Variants in PPP2R3B observed in about 807,000 individuals in gnomAD.
The protein encoded by PPP2R3B is protein phosphatase 2 regulatory subunit B''beta, also known as serine/threonine-protein phosphatase 2A regulatory subunit B'' subunit beta.
A neutral mutation model predicts 72.9 loss-of-function variants in PPP2R3B; 68 were observed. The ratio of observed to expected loss-of-function variants is 0.93; its 90% CI spans 0.77 to 1.14. PPP2R3B has a LOEUF of 1.14. Ranked by LOEUF, PPP2R3B falls within the 50% of genes most tolerant of loss-of-function variation. The pLI is 0.00. For synonymous variants in PPP2R3B, 466 were observed against 375.8 expected (o/e 1.24, Z -2.78); for missense variants, 1,018 against 842.0 (o/e 1.21, Z -2.59).
chrX:359,272 C>T (rs1569399755), intron 2 of PPP2R3B, among the ~76,000 whole-genome samples: 1 of 152,178 alleles, frequency 6.6e-6, no homozygotes, highest in South Asian at 2.1e-4. Flanking sequence ...AAGGAACTCT[C>T]AGAGATACCC....
intron 1 of PPP2R3B, among the ~76,000 whole-genome samples, chrX:364,856 C>A (rs999191101): frequency 3.1e-4 from 10 of 31,990 alleles, no homozygotes; most frequent in African/African-American, 1.8e-3. Context: ...GCACTCCAGC[C>A]TGGGCGACAG....
In PPP2R3B at chrX:340,865, G is replaced by C. The variant is rs375085438; in HGVS notation, c.1251C>G (p.Tyr417Ter). The C allele has an allele frequency of 1.2e-6, 2 of 1,612,004 alleles. No homozygotes were observed. The highest frequency in any genetic ancestry group is 2.2e-5 in the East Asian group (1 of 44,854). The change falls in exon 10 of 13, where the codon TAC (tyrosine) becomes TAG (stop). Residue 417 changes from tyrosine (Y) to a stop codon, truncating the protein, a stop_gained. Coordinates refer to ENST00000390665, the MANE Select transcript of PPP2R3B (RefSeq NM_013239.5). LOFTEE classifies it high-confidence loss of function. ...ALSMFELEYFYEEQCRRLDSM... is the reference protein window; with the variant it reads ...ALSMFELEYF Reference sequence around the variant, plus strand: ...TGTCCAGCCTTCGGCACTGCTCCTCGTAGAAGTACTCGAGCTCGAACATGG... The same window carrying C: ...TGTCCAGCCTTCGGCACTGCTCCTCCTAGAAGTACTCGAGCTCGAACATGG...
chrX:338,353 C>A (rs1201744325), intron 12 of PPP2R3B: 2 of 595,970 alleles, frequency 3.4e-6, no homozygotes, highest in Non-Finnish European at 6.0e-6. Context: ...CGAAGCCTCG[C>A]GCCCAGGATC....
At position 386,819 on chromosome X, in the gene PPP2R3B, G is replaced by A. The variant is rs1409917329; in HGVS notation, c.-128C>T. The A allele has an allele frequency of 4.5e-6, 2 of 443,882 alleles. No homozygotes were observed. Among genetic ancestry groups the A allele is most frequent in the Non-Finnish European group, 6.5e-6 (2 of 306,896 alleles). 27.5% of individuals were successfully genotyped at this position (443,882 alleles called of 1,614,324 possible). A position where few individuals can be genotyped will look rare whatever the true frequency, so the allele number is the denominator to read the frequency against. ...CTGAGGGGGCGCGGCGCAGGGAACA[G>A]GGCCCGCGCCTCGGGAACTGCGCGG... On this transcript the variant is annotated 5_prime_UTR_variant, in exon 1 of 13. Transcript: ENST00000390665.
At position 340,759 on chromosome X, in the gene PPP2R3B, C is replaced by T. The variant is rs771184795; in HGVS notation, c.1351+6G>A. ...CACCCTGGGCCATGCCCTCACGGGG[C>T]ATCACCTTCAGTCCTCGGCTTGACC... On this transcript the variant is annotated splice_donor_region_variant and intron_variant, in intron 10 of 12. Transcript: ENST00000390665. 4 of 1,606,996 alleles carry T rather than the reference C, an allele frequency of 2.5e-6. No homozygotes were observed. Among genetic ancestry groups the T allele is most frequent in the East Asian group, 2.2e-5 (1 of 44,778 alleles).
At chrX:367,545 G>C (rs1482705457) in intron 1 of PPP2R3B, among the ~76,000 whole-genome samples, 1 of 152,126 alleles carries the variant, frequency 6.6e-6, no homozygotes, top group African/African-American at 2.4e-5. Flanking sequence ...TCACAGGTGT[G>C]AGGCCCCGTG....
At chrX:363,256 T>TCCCACAGTGCATCTCCATGAGTCCAC (rs2071582610) in intron 1 of PPP2R3B, among the ~76,000 whole-genome samples, 1 of 118,390 alleles carries the variant, frequency 8.4e-6, no homozygotes, top group Non-Finnish European at 1.8e-5. Flanking sequence ...CCCGAGCCCA[T>TCCCACAGTGCATCTCCATGAGTCCAC]GATCCCGCAG....
At chrX:359,032 G>T (rs2124172663) in intron 2 of PPP2R3B, among the ~76,000 whole-genome samples, 1 of 152,326 alleles carries the variant, frequency 6.6e-6, no homozygotes, top group Admixed American at 6.5e-5. Flanking sequence ...GGAATACATG[G>T]GTCCCATGCA....
chrX:347,445 G>A, intron 3 of PPP2R3B, 109 bp from the exon 4 acceptor site: 1 of 1,351,602 alleles, frequency 7.4e-7, no homozygotes, highest in Non-Finnish European at 1.1e-6. Flanking sequence ...GTGGCAGGTG[G>A]CCACACACGA....
chrX:359,316 A>C lies in PPP2R3B; in HGVS notation c.510+2089T>G, dbSNP rs2071497659. ...CAAGAGCACCAAGGATAAAACGCGG[A>C]AGCTGAGCAAGGCGTGTTAAGTCGA... On this transcript the variant is annotated intron_variant, in intron 2 of 12. Transcript: ENST00000390665. Among the ~76,000 whole-genome samples, 3 of 152,244 alleles carry C rather than the reference A, an allele frequency of 2.0e-5. No individual in the cohort carries two copies. In the South Asian group the frequency reaches 6.2e-4, roughly 31 times the overall value.
chrX:380,447 G>GA (rs2072098047), intron 1 of PPP2R3B, among the ~76,000 whole-genome samples: 1 of 152,142 alleles, frequency 6.6e-6, no homozygotes, highest in African/African-American at 2.4e-5. Context: ...ATAAGCACCT[G>GA]AAAATTCCTC....
rs201461845 is a variant in PPP2R3B at position 340,876 on chromosome X, C to G, written c.1240G>C (p.Glu414Gln). The G allele has an allele frequency of 6.8e-6, 11 of 1,612,118 alleles. No individual in the cohort carries two copies. The highest frequency in any genetic ancestry group is 3.4e-4 in the Middle Eastern group (2 of 5,852). Residue 414 changes from glutamate to glutamine, a missense_variant, in exon 10 of 13, where the codon GAG (glutamate) becomes CAG (glutamine). Coordinates refer to ENST00000390665, the MANE Select transcript of PPP2R3B (RefSeq NM_013239.5). ...GDGALSMFEL[E>Q]YFYEEQCRRL... The stretch of plus-strand genomic sequence containing the variant: ...CGGCACTGCTCCTCGTAGAAGTACT[C>G]GAGCTCGAACATGGACAGGGCGCCG...
chrX:373,706 T>TGGGGG (rs2071921914), intron 1 of PPP2R3B: 1 of 160,598 alleles, frequency 6.2e-6, no homozygotes, highest in Non-Finnish European at 1.3e-5. Context: ...CGCCGCGCTC[T>TGGGGG]CGGGGCAGGG....
chrX:386,746 G>A lies in PPP2R3B; in HGVS notation c.-55C>T. ...ACGCCCGCGCCCCGCCCCGCCCCGGGGGCTTCGGTCCGCCCCGGACCGACC... is the reference window on the plus strand; with the variant it reads ...ACGCCCGCGCCCCGCCCCGCCCCGGAGGCTTCGGTCCGCCCCGGACCGACC... On this transcript the variant is annotated 5_prime_UTR_variant, in exon 1 of 13. Transcript: ENST00000390665. 1.7e-6 allele frequency: 2 copies of A among 1,156,480 alleles called. No homozygotes were observed. The highest frequency in any genetic ancestry group is 4.1e-5 in the South Asian group (1 of 24,208). The allele number at this position is 1,156,480 out of a possible 1,614,324, so 71.6% of individuals were successfully genotyped here.
At chrX:360,146 G>C (rs1271865446) in intron 2 of PPP2R3B, among the ~76,000 whole-genome samples, 1 of 152,110 alleles carries the variant, frequency 6.6e-6, no homozygotes, top group Non-Finnish European at 1.5e-5. Flanking sequence ...AAAAAGATGA[G>C]ACACAGCGAC....
At chrX:336,453 G>A (rs1190023577) in intron 12 of PPP2R3B, 6 of 152,058 alleles carry the variant, frequency 3.9e-5, no homozygotes, top group Non-Finnish European at 7.4e-5. Flanking sequence ...GACTGGGAAC[G>A]AGGACGGCAC....
At chrX:361,138 A>C (rs35203826) in intron 2 of PPP2R3B, among the ~76,000 whole-genome samples, 22,044 of 152,196 alleles carry the variant, frequency 0.14, 1,922 homozygotes, top group Admixed American at 0.22. Context: ...TCTTCACAGC[A>C]TCAGGATGAG....
chrX:373,175 G>T (rs1254742493), intron 1 of PPP2R3B, among the ~76,000 whole-genome samples: 1 of 152,196 alleles, frequency 6.6e-6, no homozygotes, highest in African/African-American at 2.4e-5. Context: ...TCTGTCTGCA[G>T]CGAACACTCC....
intron 2 of PPP2R3B, among the ~76,000 whole-genome samples, chrX:358,471 G>T (rs1603084217): frequency 7.7e-6 from 1 of 130,340 alleles, no homozygotes; most frequent in African/African-American, 2.7e-5. Flanking sequence ...GTGTCTCTCG[G>T]ACTCCCAGCG....
Sources: allele counts gnomAD v4.1 joint callset (sites outside exome capture counted in the v4.1 genomes callset), GRCh38; gene constraint gnomAD v4.1.1; transcripts MANE v1.5; gene names NCBI Gene and HGNC (gene_info 2026-07-23, HGNC 2026-07-21).